The following PTCHD4 variants were observed in gnomAD, a reference collection of about 807,000 sequenced individuals.
PTCHD4 encodes the protein patched domain-containing protein 4.
In PTCHD4, 33 loss-of-function variants were observed where a neutral mutation model predicts 58.1. The observed-to-expected ratio is 0.57, with a 90% CI of 0.43 to 0.76. The LOEUF is 0.76. Ranked by LOEUF, PTCHD4 falls within the 30% of genes least tolerant of loss-of-function variation. The pLI is 0.00. For missense variants in PTCHD4, 1,058 were observed against 1,027.1 expected (o/e 1.03, Z -0.41); for synonymous variants, 478 against 409.6 (o/e 1.17, Z -2.02).
intron 4 of PTCHD4, among the ~76,000 whole-genome samples, chr6:47,984,451 A>G (rs1385975224): frequency 6.6e-6 from 1 of 151,860 alleles, no homozygotes; most frequent in African/African-American, 2.4e-5. Context: ...GGGGGAAACC[A>G]CCCCCATGAT....
intron 4 of PTCHD4, among the ~76,000 whole-genome samples, chr6:47,939,153 G>T (rs988765759): frequency 3.3e-5 from 5 of 152,184 alleles, no homozygotes; most frequent in African/African-American, 1.2e-4. Context: ...GTTCTTTGGA[G>T]AAAAGGAGGT....
rs753250425 is a variant in PTCHD4 at position 47,879,322 on chromosome 6, G to A, written c.1513C>T (p.Gln505Ter). 1.2e-6 allele frequency: 2 copies of A among 1,612,796 alleles called. No individual in the cohort carries two copies. The highest frequency in any genetic ancestry group is 2.7e-5 in the African/African-American group (2 of 74,870). ...DSPSVSYAMV[Q>*]QKYFSNYSPV... ...CTATAGTTGCTGAAATATTTCTGCT[G>A]AACCATGGCATAGGAAACACTTGGC... The change falls in exon 5 of 5, where the codon CAG (glutamine) becomes TAG (stop). Residue 505 changes from glutamine to a stop codon, truncating the protein, a stop_gained. Coordinates refer to ENST00000339488, the MANE Select transcript of PTCHD4 (RefSeq NM_001384253.1). LOFTEE classifies it high-confidence loss of function.
At chr6:47,973,034 C>A (rs2113992289) in intron 4 of PTCHD4, among the ~76,000 whole-genome samples, 1 of 151,932 alleles carries the variant, frequency 6.6e-6, no homozygotes, top group African/African-American at 2.4e-5. Context: ...TCCTCGTTTC[C>A]TCATTTATTA....
intron 1 of PTCHD4, among the ~76,000 whole-genome samples, chr6:48,083,025 GA>G (rs111274134): frequency 4.0e-5 from 6 of 150,208 alleles, no homozygotes; most frequent in South Asian, 2.1e-4. Context: ...TTACCCAGGG[GA>G]AAAAAAAGTA....
In PTCHD4 at chr6:47,961,793, T is replaced by A. The variant is rs76321950; in HGVS notation, c.898+46841A>T. Among the ~76,000 whole-genome samples, 1,112 of 152,258 alleles carry A rather than the reference T, an allele frequency of 7.3e-3. 10 individuals carry two copies. The highest frequency in any genetic ancestry group is 0.026 in the African/African-American group (1,066 of 41,560). ...ATACTTAGGGAGAAATTTACTGCAC[T>A]AAACACCTATTTTAGAAAAGAAGAA... On this transcript the variant is annotated intron_variant, in intron 4 of 4. Transcript: ENST00000339488.
At chr6:48,086,219 C>A (rs1481370284) in intron 1 of PTCHD4, among the ~76,000 whole-genome samples, 1 of 152,140 alleles carries the variant, frequency 6.6e-6, no homozygotes, top group Non-Finnish European at 1.5e-5. Context: ...AAATGAGCAG[C>A]GTTATGTCCT....
At chr6:47,991,420 AC>A (rs1768276531) in intron 4 of PTCHD4, among the ~76,000 whole-genome samples, 1 of 152,158 alleles carries the variant, frequency 6.6e-6, no homozygotes, top group Non-Finnish European at 1.5e-5. Context: ...AAACAAACAA[AC>A]AAAAAATGGA....
Position 47,871,099 on chromosome 6 carries a change from A to G in PTCHD4, c.*7204T>C, listed in dbSNP as rs1193795818. On this transcript the variant is annotated 3_prime_UTR_variant, in exon 5 of 5. Coordinates refer to ENST00000339488, the MANE Select transcript of PTCHD4 (RefSeq NM_001384253.1). ...GAACAAGTGGGTTTTGTTTTAGGAA[A>G]GAAAATAAAAATGCTCAACTTTTAC... Among the ~76,000 whole-genome samples the G allele has an allele frequency of 6.6e-6, 1 of 151,608 alleles. No individual in the cohort carries two copies. Among genetic ancestry groups the G allele is most frequent in the African/African-American group, 2.4e-5 (1 of 41,372 alleles).
intron 4 of PTCHD4, among the ~76,000 whole-genome samples, chr6:47,960,950 G>A (rs1581937468): frequency 2.2e-5 from 3 of 139,436 alleles, no homozygotes; most frequent in African/African-American, 8.1e-5. Context: ...TGACCTAGCT[G>A]CCTTTTTTTT....
chr6:47,999,963 T>C (rs898077502), intron 4 of PTCHD4, among the ~76,000 whole-genome samples: 3 of 152,208 alleles, frequency 2.0e-5, no homozygotes, highest in African/African-American at 7.2e-5. Context: ...CATTTGCCCA[T>C]CTGTGTTTTC....
At position 48,068,717 on chromosome 6, in the gene PTCHD4, C is replaced by T. The variant is rs1277136238; in HGVS notation, c.6-76G>A. 1 of 1,393,264 alleles carries T rather than the reference C, an allele frequency of 7.2e-7. No individual in the cohort carries two copies. The highest frequency in any genetic ancestry group is 9.5e-7 in the Non-Finnish European group (1 of 1,049,868). The allele number at this position is 1,393,264 out of a possible 1,614,324, so 86.3% of individuals were successfully genotyped here. A position where few individuals can be genotyped will look rare whatever the true frequency, so the allele number is the denominator to read the frequency against. ...CCATCCCACCCCCTGGGGCCAGTCC[C>T]CCCTCCCCACCGCCGCCGCCTCCCC... On this transcript the variant is annotated intron_variant, in intron 2 of 4. Coordinates refer to ENST00000339488, the MANE Select transcript of PTCHD4 (RefSeq NM_001384253.1). This position sits in a 1 kb window ranked among gnomAD's most constrained non-coding sequence, Gnocchi z 4.2.
chr6:48,016,194 C>A (rs571591125), intron 3 of PTCHD4, among the ~76,000 whole-genome samples: 7 of 152,018 alleles, frequency 4.6e-5, no homozygotes, highest in African/African-American at 4.8e-5. Context: ...TGTATCATGG[C>A]CCGCAGGCAA....
In PTCHD4 at chr6:47,936,624, A is replaced by G. The variant is rs890229614; in HGVS notation, c.899-56688T>C. 2.0e-5 allele frequency among the ~76,000 whole-genome samples: 3 copies of G among 152,310 alleles called. No individual in the cohort carries two copies. In the East Asian group the frequency reaches 5.8e-4, roughly 29 times the overall value. On this transcript the variant is annotated intron_variant, in intron 4 of 4. Transcript: ENST00000339488. ...CCCAGTGAAGTTCTATTTATAAGAC[A>G]CAAACACCCCATTTGTCCCTTTACT...
rs1763640959 is a variant in PTCHD4 at position 47,868,763 on chromosome 6, A to G, written c.*9540T>C. ...TTTCTAGCCATGCTTATTTTTATGT[A>G]AAGGAGAAAACATGCTTAATTACTC... is the stretch of plus-strand genomic sequence containing the variant. On this transcript the variant is annotated 3_prime_UTR_variant, in exon 5 of 5. Transcript: ENST00000339488. 6.6e-6 allele frequency among the ~76,000 whole-genome samples: 1 copy of G among 151,716 alleles called. No individual in the cohort carries two copies. The highest frequency in any genetic ancestry group is 2.4e-5 in the African/African-American group (1 of 41,368).
At chr6:48,100,384 T>C (rs1765578115) in intron 1 of PTCHD4, among the ~76,000 whole-genome samples, 1 of 152,188 alleles carries the variant, frequency 6.6e-6, no homozygotes, top group Admixed American at 6.5e-5. Flanking sequence ...TCCCTTGCAA[T>C]ATAATTCCTT....
intron 3 of PTCHD4, among the ~76,000 whole-genome samples, chr6:48,064,078 G>C (rs1267721984): frequency 6.6e-6 from 1 of 152,152 alleles, no homozygotes; most frequent in Non-Finnish European, 1.5e-5. Context: ...TTTAACATCT[G>C]TTCAGAGGTG....
At chr6:48,040,770 G>A (rs1763816202) in intron 3 of PTCHD4, among the ~76,000 whole-genome samples, 1 of 152,006 alleles carries the variant, frequency 6.6e-6, no homozygotes, top group African/African-American at 2.4e-5. Flanking sequence ...GGCTGTTCAA[G>A]ACAACATATC....
chr6:47,916,346 C>T (rs550317712), intron 4 of PTCHD4, among the ~76,000 whole-genome samples: 1 of 152,064 alleles, frequency 6.6e-6, no homozygotes, highest in South Asian at 2.1e-4. Flanking sequence ...AGAATCCAAG[C>T]ATTGGTACTG....
At chr6:48,100,033 C>T (rs1340197323) in intron 1 of PTCHD4, among the ~76,000 whole-genome samples, 2 of 151,968 alleles carry the variant, frequency 1.3e-5, no homozygotes, top group East Asian at 1.9e-4. Flanking sequence ...TGTAACAGGA[C>T]AGGAAGAGTA....
Sources: gnomAD v4.1 joint callset for allele counts (sites outside exome capture counted in the v4.1 genomes callset) on GRCh38, gnomAD v4.1.1 for gene constraint, Gnocchi (gnomAD v3.1) non-coding constraint, MANE v1.5 for transcripts, NCBI Gene and HGNC (gene_info 2026-07-23, HGNC 2026-07-21) for gene names.